The following SEMA3E variants were observed in gnomAD, a reference collection of about 807,000 sequenced individuals.
The protein encoded by SEMA3E is semaphorin-3E.
A neutral mutation model predicts 93.6 loss-of-function variants in SEMA3E; 49 were observed. That is an observed-to-expected ratio of 0.52 (90% confidence interval 0.42 to 0.66). The LOEUF is 0.66. Among genes scored for constraint, SEMA3E ranks in the 30% least tolerant of loss-of-function variants. SEMA3E has a pLI of 0.00. For missense variants in SEMA3E, 906 were observed against 964.8 expected, an observed-to-expected ratio of 0.94 and a Z score of 0.81; for synonymous variants, 363 against 330.7, an observed-to-expected ratio of 1.10 and a Z score of -1.06.
intron 1 of SEMA3E, among the ~76,000 whole-genome samples, chr7:83,628,316 T>C (rs1187545188): frequency 6.6e-6 from 1 of 152,138 alleles, no homozygotes; most frequent in Non-Finnish European, 1.5e-5. Flanking sequence ...CTGTATTTCC[T>C]GAATTTGAAT....
chr7:83,399,005 A>T (rs1339044895), intron 11 of SEMA3E, among the ~76,000 whole-genome samples: 1 of 152,056 alleles, frequency 6.6e-6, no homozygotes, highest in Non-Finnish European at 1.5e-5. Flanking sequence ...AAAAATAAAA[A>T]CAAAGGGTTT....
intron 1 of SEMA3E, among the ~76,000 whole-genome samples, chr7:83,599,109 A>T (rs1792933717): frequency 6.6e-6 from 1 of 152,198 alleles, no homozygotes; most frequent in Non-Finnish European, 1.5e-5. Context: ...GTAAAAAATA[A>T]AATTAGATAA....
At chr7:83,408,271 G>T (rs1401443453) in intron 6 of SEMA3E, 97 bp downstream of exon 6, 3 of 1,380,338 alleles carry the variant, frequency 2.2e-6, no homozygotes, top group Non-Finnish European at 2.0e-6. Flanking sequence ...TAAAGGAATT[G>T]TATTTATATT....
At chr7:83,609,430 A>C (rs1243858456) in intron 1 of SEMA3E, among the ~76,000 whole-genome samples, 1 of 152,040 alleles carries the variant, frequency 6.6e-6, no homozygotes, top group Non-Finnish European at 1.5e-5. Context: ...GCTAGCATCT[A>C]AATTTTGTGA....
chr7:83,596,663 G>A (rs999783049), intron 1 of SEMA3E, among the ~76,000 whole-genome samples: 1 of 151,930 alleles, frequency 6.6e-6, no homozygotes, highest in Admixed American at 6.6e-5. Context: ...TTGCTTACCA[G>A]TCTCTCCGTA....
intron 1 of SEMA3E, chr7:83,616,503 A>T (rs1793369578): frequency 4.3e-6 from 1 of 232,234 alleles, no homozygotes; most frequent in Non-Finnish European, 8.9e-6. Context: ...AATAAAAAAA[A>T]ATAGCGGGCA....
At chr7:83,553,103 G>A (rs188555017) in intron 1 of SEMA3E, among the ~76,000 whole-genome samples, 1 of 152,208 alleles carries the variant, frequency 6.6e-6, no homozygotes, top group Admixed American at 6.5e-5. Flanking sequence ...TGGGGCTCAG[G>A]TGGGCATCAC....
Position 83,367,350 on chromosome 7 carries a change from G to T in SEMA3E, c.*236C>A. On this transcript the variant is annotated 3_prime_UTR_variant, in exon 17 of 17. Coordinates refer to ENST00000643230, the MANE Select transcript of SEMA3E (RefSeq NM_012431.3). ...AAAATAACAGCTACAGTTGTTTTTTGATAAACATAATGAGAAACCATTAAG... is the reference window on the plus strand; with the variant it reads ...AAAATAACAGCTACAGTTGTTTTTTTATAAACATAATGAGAAACCATTAAG... 12 of 448,854 alleles carry T rather than the reference G, an allele frequency of 2.7e-5. No individual in the cohort carries two copies. Among genetic ancestry groups the T allele is most frequent in the Non-Finnish European group, 4.0e-5 (10 of 252,340 alleles). 27.8% of individuals were successfully genotyped at this position (448,854 alleles called of 1,614,324 possible).
At chr7:83,584,692 G>A (rs1179105171) in intron 1 of SEMA3E, among the ~76,000 whole-genome samples, 3 of 152,026 alleles carry the variant, frequency 2.0e-5, no homozygotes, top group Admixed American at 1.3e-4. Context: ...AGCAGTTCCT[G>A]TAATATTGAC....
At chr7:83,615,634 C>T (rs1693367) in intron 1 of SEMA3E, among the ~76,000 whole-genome samples, 6 of 151,982 alleles carry the variant, frequency 3.9e-5, no homozygotes, top group African/African-American at 1.2e-4. Flanking sequence ...TCTTTATACA[C>T]GCCCCATCAT....
At chr7:83,394,909 T>A (rs944733287) in intron 12 of SEMA3E, among the ~76,000 whole-genome samples, 2 of 152,108 alleles carry the variant, frequency 1.3e-5, no homozygotes, top group Non-Finnish European at 2.9e-5. Flanking sequence ...GGAACCAACA[T>A]GTTGTTTTTG....
At chr7:83,630,367 A>G (rs541595306) in intron 1 of SEMA3E, among the ~76,000 whole-genome samples, 233 of 152,322 alleles carry the variant, frequency 1.5e-3, no homozygotes, top group Middle Eastern at 6.8e-3. Flanking sequence ...TATTAAATAA[A>G]ATAGGATAGC....
chr7:83,369,594 C>T (rs898071736), intron 16 of SEMA3E, among the ~76,000 whole-genome samples: 7 of 152,046 alleles, frequency 4.6e-5, no homozygotes, highest in Non-Finnish European at 8.8e-5. Flanking sequence ...CTTGGTGGGA[C>T]CATGTCCTGG....
rs1408953074 is a variant in SEMA3E, at chr7:83,648,785, A to C, written c.-243T>G. 1 of 566,434 alleles carries C rather than the reference A, an allele frequency of 1.8e-6. No homozygotes were observed. Among genetic ancestry groups the C allele is most frequent in the Non-Finnish European group, 3.2e-6 (1 of 311,584 alleles). The allele number at this position is 566,434 out of a possible 1,614,324, so 35.1% of individuals were successfully genotyped here. On this transcript the variant is annotated 5_prime_UTR_variant, in exon 1 of 17. Coordinates refer to ENST00000643230, the MANE Select transcript of SEMA3E (RefSeq NM_012431.3). Reference sequence around the variant, plus strand: ...AGGACATTCCAAAGAGTGAGTCTTCAGAGCCATGTCCTGTCTAGAGCGCTC... The same window carrying C: ...AGGACATTCCAAAGAGTGAGTCTTCCGAGCCATGTCCTGTCTAGAGCGCTC...
Position 83,618,859 on chromosome 7 carries a change from A to G in SEMA3E, c.115+29569T>C, listed in dbSNP as rs1406031564. ...CTCAAACATGAGATTGTTATACATA[A>G]TGGTTTATCAAATATCTTATATTTT... On this transcript the variant is annotated intron_variant, in intron 1 of 16. Coordinates refer to ENST00000643230, the MANE Select transcript of SEMA3E (RefSeq NM_012431.3). 4.6e-5 allele frequency among the ~76,000 whole-genome samples: 7 copies of G among 152,076 alleles called. No homozygotes were observed. In the East Asian group the frequency reaches 1.3e-3, roughly 29 times the overall value.
At position 83,585,440 on chromosome 7, in the gene SEMA3E, A is replaced by G. The variant is rs1241708904; in HGVS notation, c.115+62988T>C. Among the ~76,000 whole-genome samples, 3 of 152,186 alleles carry G rather than the reference A, an allele frequency of 2.0e-5. No homozygotes were observed. The East Asian group carries it at 5.8e-4, about 29-fold the overall frequency. On this transcript the variant is annotated intron_variant, in intron 1 of 16. Transcript: ENST00000643230. ...AGCACAATTATCTGATACTCCATCAATGGTGAATAAGTGAATGATTGAATG... is the reference window on the plus strand; with the variant it reads ...AGCACAATTATCTGATACTCCATCAGTGGTGAATAAGTGAATGATTGAATG...
At chr7:83,568,422 A>C (rs1442237038) in intron 1 of SEMA3E, among the ~76,000 whole-genome samples, 1 of 152,152 alleles carries the variant, frequency 6.6e-6, no homozygotes, top group Non-Finnish European at 1.5e-5. Flanking sequence ...AGTCGACAAC[A>C]ACAAAAATCC....
intron 5 of SEMA3E, among the ~76,000 whole-genome samples, chr7:83,410,534 G>A (rs763629730): frequency 3.3e-5 from 5 of 152,032 alleles, no homozygotes; most frequent in Non-Finnish European, 7.4e-5. Flanking sequence ...AAAGGGAAAA[G>A]ATTAACATAA....
intron 12 of SEMA3E, among the ~76,000 whole-genome samples, chr7:83,394,706 TTG>T (rs1328018454): frequency 3.3e-5 from 5 of 152,156 alleles, no homozygotes. Flanking sequence ...AATGAAACCA[TTG>T]TGTCTTTCAA....
Sources: allele counts gnomAD v4.1 joint callset (sites outside exome capture counted in the v4.1 genomes callset), GRCh38; gene constraint gnomAD v4.1.1; transcripts MANE v1.5; gene names NCBI Gene and HGNC (gene_info 2026-07-23, HGNC 2026-07-21).